The following ADCY2 variants were observed in gnomAD, a reference collection of about 807,000 sequenced individuals.
The protein encoded by ADCY2 is adenylate cyclase type 2.
In ADCY2, 31 loss-of-function variants were observed where a neutral mutation model predicts 125.2. That is an observed-to-expected ratio of 0.25 (90% CI 0.19 to 0.33). ADCY2 has a LOEUF of 0.33. ADCY2 is among the 10% of genes least tolerant of loss of function. ADCY2 has a pLI of 1.00. For synonymous variants in ADCY2, 512 were observed against 548.4 expected, an observed-to-expected ratio of 0.93 and a Z score of 0.93; for missense variants, 904 against 1,418.2, an observed-to-expected ratio of 0.64 and a Z score of 5.82.
chr5:7,563,982 C>T lies in ADCY2; in HGVS notation c.570+43083C>T, dbSNP rs532040239. ...CCAATCACTTCCCATATGGAAATTGCACATTTAGACTAATTCTGGTCACAT... is the reference window on the plus strand; with the variant it reads ...CCAATCACTTCCCATATGGAAATTGTACATTTAGACTAATTCTGGTCACAT... On this transcript the variant is annotated intron_variant, in intron 3 of 24. Coordinates refer to ENST00000338316, the MANE Select transcript of ADCY2 (RefSeq NM_020546.3). Among the ~76,000 whole-genome samples the T allele has an allele frequency of 7.2e-5, 11 of 152,318 alleles. No homozygotes were observed. The South Asian group carries it at 1.4e-3, about 20-fold the overall frequency.
intron 2 of ADCY2, among the ~76,000 whole-genome samples, chr5:7,501,143 AAAAG>A (rs1298912689): frequency 6.6e-6 from 1 of 151,792 alleles, no homozygotes; most frequent in Non-Finnish European, 1.5e-5. Flanking sequence ...AAAAAAAAAA[AAAAG>A]GTCTACATTT....
intron 17 of ADCY2, among the ~76,000 whole-genome samples, 190 bp from the exon 18 acceptor site, chr5:7,772,742 A>AT (rs11390037): frequency 0.72 from 107,477 of 149,602 alleles, 39,214 homozygotes; most frequent in Middle Eastern, 0.79. Context: ...GCTTTGGATG[A>AT]TTTTTTTTTT....
chr5:7,421,297 G>T (rs1383155989), intron 2 of ADCY2, among the ~76,000 whole-genome samples: 1 of 152,196 alleles, frequency 6.6e-6, no homozygotes, highest in Non-Finnish European at 1.5e-5. Flanking sequence ...TCAGAAGTCT[G>T]CAGAAGTCTG....
At chr5:7,819,315 G>A (rs897324736) in intron 23 of ADCY2, among the ~76,000 whole-genome samples, 7 of 152,086 alleles carry the variant, frequency 4.6e-5, no homozygotes, top group South Asian at 2.1e-4. Context: ...ATTAACTATC[G>A]CAATGGGAGA....
intron 8 of ADCY2, 140 bp from the exon 9 acceptor site, chr5:7,707,566 A>G: frequency 1.0e-6 from 1 of 996,816 alleles, no homozygotes; most frequent in Admixed American, 2.6e-5. Flanking sequence ...GCAGTGGTCA[A>G]TAGAATATAA....
At chr5:7,574,266 G>T (rs536509555) in intron 3 of ADCY2, among the ~76,000 whole-genome samples, 1 of 149,742 alleles carries the variant, frequency 6.7e-6, no homozygotes, top group Admixed American at 6.7e-5. Context: ...AGTCATTTGG[G>T]TATATACCCA....
At chr5:7,784,520 C>T in intron 19 of ADCY2, 71 bp downstream of exon 19, 1 of 1,122,922 alleles carries the variant, frequency 8.9e-7, no homozygotes, top group Non-Finnish European at 1.3e-6. Context: ...CTTTGCTGTG[C>T]ATTGTAGTTA....
chr5:7,563,684 A>G (rs1200549172), intron 3 of ADCY2, among the ~76,000 whole-genome samples: 2 of 152,180 alleles, frequency 1.3e-5, no homozygotes, highest in African/African-American at 4.8e-5. Context: ...GGTATCGTAT[A>G]TGAGAACACA....
chr5:7,818,161 C>T (rs991972350), intron 23 of ADCY2, among the ~76,000 whole-genome samples: 6 of 152,074 alleles, frequency 3.9e-5, no homozygotes, highest in South Asian at 2.1e-4. Flanking sequence ...TGGTTTTTAA[C>T]GCTCTCTTAC....
At chr5:7,821,923 G>A (rs1314536671) in intron 24 of ADCY2, among the ~76,000 whole-genome samples, 1 of 152,202 alleles carries the variant, frequency 6.6e-6, no homozygotes, top group African/African-American at 2.4e-5. Context: ...AATAAAGGTG[G>A]TTTGAGGTTC....
intron 3 of ADCY2, among the ~76,000 whole-genome samples, chr5:7,616,620 T>C (rs1234971132): frequency 6.6e-6 from 1 of 152,224 alleles, no homozygotes; most frequent in Non-Finnish European, 1.5e-5. Flanking sequence ...GGGTAGTACA[T>C]GGAATTTCTG....
intron 2 of ADCY2, among the ~76,000 whole-genome samples, chr5:7,510,853 G>A (rs1034986063): frequency 9.2e-5 from 14 of 152,304 alleles, no homozygotes; most frequent in African/African-American, 2.9e-4. Flanking sequence ...TGAAGAACAC[G>A]ATATGAAGAG....
chr5:7,455,844 TA>T (rs1474967319), intron 2 of ADCY2, among the ~76,000 whole-genome samples: 5 of 146,248 alleles, frequency 3.4e-5, no homozygotes, highest in African/African-American at 1.2e-4. Context: ...TACATATTTA[TA>T]ATAATGTATT....
At chr5:7,545,039 C>A (rs73739831) in intron 3 of ADCY2, among the ~76,000 whole-genome samples, 3,246 of 152,218 alleles carry the variant, frequency 0.021, 117 homozygotes, top group African/African-American at 0.075. Context: ...AGCGAGAGAG[C>A]GAGCATAGGA....
intron 2 of ADCY2, among the ~76,000 whole-genome samples, chr5:7,450,772 A>G (rs371289666): frequency 6.6e-6 from 1 of 152,218 alleles, no homozygotes; most frequent in East Asian, 1.9e-4. Context: ...GTTGAAGCCA[A>G]TTCTCATTTA....
intron 3 of ADCY2, among the ~76,000 whole-genome samples, chr5:7,544,475 C>T (rs921295266): frequency 6.6e-6 from 1 of 152,176 alleles, no homozygotes; most frequent in Admixed American, 6.5e-5. Context: ...TCTCCAATTT[C>T]CTCTTTCATA....
At chr5:7,433,689 A>G (rs931036256) in intron 2 of ADCY2, among the ~76,000 whole-genome samples, 1 of 152,204 alleles carries the variant, frequency 6.6e-6, no homozygotes, top group African/African-American at 2.4e-5. Flanking sequence ...AATAAATCAA[A>G]TAATAGAATT....
chr5:7,689,587 C>T (rs557507911), intron 4 of ADCY2, among the ~76,000 whole-genome samples: 72 of 152,204 alleles, frequency 4.7e-4, no homozygotes, highest in Non-Finnish European at 8.5e-4. Context: ...TCAGCTCTCT[C>T]AGCAGAAGTT....
In ADCY2 at chr5:7,469,847, TTTTA is replaced by T. The variant is rs1282184483; in HGVS notation, c.409-50883_409-50880del. Among the ~76,000 whole-genome samples, 4 of 151,022 alleles carry T rather than the reference TTTTA, an allele frequency of 2.6e-5. No homozygotes were observed. In the East Asian group the frequency reaches 5.8e-4, roughly 22 times the overall value. ...TCCTATATAAGAACACAGTGAAACT[TTTTA>T]TTTATTTTTTTATTTATTCATTCTT... On this transcript the variant is annotated intron_variant, in intron 2 of 24. Coordinates refer to ENST00000338316, the MANE Select transcript of ADCY2 (RefSeq NM_020546.3).
Sources: gnomAD v4.1 joint callset for allele counts (sites outside exome capture counted in the v4.1 genomes callset) on GRCh38, gnomAD v4.1.1 for gene constraint, MANE v1.5 for transcripts, NCBI Gene and HGNC (gene_info 2026-07-23, HGNC 2026-07-21) for gene names.